Variants in FGF14 observed in about 807,000 individuals in gnomAD.
The protein encoded by FGF14 is fibroblast growth factor homologous factor 4.
Under a neutral mutation model 25.5 loss-of-function variants are expected in FGF14, and 5 were observed. The ratio of observed to expected loss-of-function variants is 0.20; its 90% CI spans 0.10 to 0.41. The LOEUF (loss-of-function observed/expected upper bound fraction) is 0.41, where lower values mean the gene tolerates loss of function less well. FGF14 is among the 10% of genes least tolerant of loss of function. The pLI, the probability that FGF14 is intolerant of heterozygous loss-of-function variation, is 1.00. For missense variants in FGF14, 222 were observed against 320.1 expected (o/e 0.69, Z 2.34); for synonymous variants, 138 against 118.3 (o/e 1.17, Z -1.08).
At chr13:102,282,768 A>T (rs1399328897) in intron 1 of FGF14, among the ~76,000 whole-genome samples, 1 of 151,644 alleles carries the variant, frequency 6.6e-6, no homozygotes, top group East Asian at 2.0e-4. Context: ...TCCAACCACT[A>T]TTAGGTCACA....
chr13:102,321,119 A>G (rs898140170), intron 1 of FGF14, among the ~76,000 whole-genome samples: 3 of 152,194 alleles, frequency 2.0e-5, no homozygotes, highest in Non-Finnish European at 4.4e-5. Context: ...AGGCCAGACC[A>G]CAGTGTCTCC....
At chr13:101,915,540 TGCAGAGACAG>T (rs1187588974) in intron 1 of FGF14, among the ~76,000 whole-genome samples, 3 of 152,138 alleles carry the variant, frequency 2.0e-5, no homozygotes, top group Admixed American at 2.0e-4. Flanking sequence ...AGCAACTGGA[TGCAGAGACAG>T]GCAGAGAGAG....
chr13:102,364,866 C>T (rs1004581516), intron 1 of FGF14, among the ~76,000 whole-genome samples: 3 of 152,134 alleles, frequency 2.0e-5, no homozygotes, highest in Admixed American at 6.5e-5. Context: ...AACTGGAAAC[C>T]GCACACATAT....
chr13:102,003,769 G>A (rs2039635516), intron 1 of FGF14, among the ~76,000 whole-genome samples: 1 of 151,520 alleles, frequency 6.6e-6, no homozygotes, highest in Non-Finnish European at 1.5e-5. Flanking sequence ...TCCTTTGACA[G>A]CTTTCTTCTG....
chr13:101,762,658 C>A (rs2038103686), intron 3 of FGF14, among the ~76,000 whole-genome samples: 1 of 152,210 alleles, frequency 6.6e-6, no homozygotes, highest in African/African-American at 2.4e-5. Flanking sequence ...GCTGCAAATG[C>A]TCCCTTAGTT....
At chr13:102,271,605 A>T (rs1403194374) in intron 1 of FGF14, among the ~76,000 whole-genome samples, 1 of 152,216 alleles carries the variant, frequency 6.6e-6, no homozygotes, top group Non-Finnish European at 1.5e-5. Context: ...ACTGGAGTTA[A>T]TATCACGTTG....
chr13:101,966,992 A>C (rs2037249837), intron 1 of FGF14, among the ~76,000 whole-genome samples: 1 of 151,790 alleles, frequency 6.6e-6, no homozygotes, highest in African/African-American at 2.4e-5. Context: ...TGATATCAGC[A>C]GTTACCTAAA....
Position 101,916,526 on chromosome 13 carries a change from G to A in FGF14, c.120C>T (p.Cys40=), listed in dbSNP as rs776900888. The change falls in exon 1 of 5, where the codon TGC becomes TGT. Residue 40 remains cysteine, a synonymous_variant. Coordinates refer to ENST00000376143, the MANE Select transcript of FGF14 (RefSeq NM_004115.4). The part of the protein sequence containing the change: ...RSSPSKNRGL[C]NGNLVDIFSK... ...AGAAGATATCCACCAGGTTGCCGTTGCAGAGCCCGCGGTTCTTGCTGGGGC... is the reference window on the plus strand; with the variant it reads ...AGAAGATATCCACCAGGTTGCCGTTACAGAGCCCGCGGTTCTTGCTGGGGC... The A allele has an allele frequency of 4.3e-6, 7 of 1,613,802 alleles. No homozygotes were observed. The highest frequency in any genetic ancestry group is 1.7e-5 in the Admixed American group (1 of 60,038).
chr13:102,105,387 CAATT>C (rs1314776019), intron 1 of FGF14, among the ~76,000 whole-genome samples: 2 of 152,036 alleles, frequency 1.3e-5, no homozygotes, highest in African/African-American at 4.8e-5. Context: ...CTATCGGTGA[CAATT>C]ATATTTTTTT....
At chr13:102,382,205 G>A (rs1188820201) in intron 1 of FGF14, among the ~76,000 whole-genome samples, 1 of 152,042 alleles carries the variant, frequency 6.6e-6, no homozygotes, top group Non-Finnish European at 1.5e-5. Context: ...AAAATCCACA[G>A]AATGGGATAA....
rs147936895 is a variant in FGF14 at position 102,172,225 on chromosome 13, A to T, written c.208+229246T>A. On this transcript the variant is annotated intron_variant, in intron 1 of 4. Coordinates refer to the FGF14 transcript ENST00000376131. ...GGAGAAGAAAGTAAACATTAAATCAATTCTTACCAGTGATTTAAAACAACT... is the reference window on the plus strand; with the variant it reads ...GGAGAAGAAAGTAAACATTAAATCATTTCTTACCAGTGATTTAAAACAACT... Among the ~76,000 whole-genome samples the T allele has an allele frequency of 9.4e-3, 1,430 of 152,178 alleles. 23 individuals are homozygous for T. The highest frequency in any genetic ancestry group is 0.031 in the African/African-American group (1,306 of 41,518).
chr13:101,874,212 T>C (rs1049067936), intron 2 of FGF14, among the ~76,000 whole-genome samples: 1 of 151,966 alleles, frequency 6.6e-6, no homozygotes, highest in Non-Finnish European at 1.5e-5. Context: ...CTGATAAAAA[T>C]AAATAAAATA....
intron 1 of FGF14, among the ~76,000 whole-genome samples, chr13:102,125,264 G>A (rs1290936855): frequency 3.3e-5 from 5 of 152,060 alleles, no homozygotes; most frequent in African/African-American, 1.2e-4. Flanking sequence ...GTTTTGACAA[G>A]TAAGAAAGCT....
intron 1 of FGF14, among the ~76,000 whole-genome samples, chr13:102,171,530 T>A (rs1407648682): frequency 6.6e-6 from 1 of 152,164 alleles, no homozygotes; most frequent in Non-Finnish European, 1.5e-5. Flanking sequence ...CTATCTTTCT[T>A]TTTTAGCAAA....
chr13:102,143,294 A>AAACTG (rs1359773691), intron 1 of FGF14, among the ~76,000 whole-genome samples: 1 of 152,182 alleles, frequency 6.6e-6, no homozygotes, highest in Non-Finnish European at 1.5e-5. Flanking sequence ...GGTGGGCCAC[A>AAACTG]AACTGCTTCC....
chr13:101,821,505 A>G (rs932952615), intron 3 of FGF14, among the ~76,000 whole-genome samples: 1 of 152,186 alleles, frequency 6.6e-6, no homozygotes, highest in African/African-American at 2.4e-5. Flanking sequence ...TATTAAGATT[A>G]TTTGTACATG....
chr13:101,957,133 AAC>A (rs1355855750), intron 1 of FGF14, among the ~76,000 whole-genome samples: 1 of 152,204 alleles, frequency 6.6e-6, no homozygotes, highest in African/African-American at 2.4e-5. Context: ...TCACTCCAGC[AAC>A]TCAAATTTGC....
chr13:102,087,505 T>C (rs1253741986), intron 1 of FGF14, among the ~76,000 whole-genome samples: 1 of 142,804 alleles, frequency 7.0e-6, no homozygotes, highest in Non-Finnish European at 1.5e-5. Context: ...TCTGCCTCTC[T>C]GGTTCCCGTC....
At chr13:101,892,742 C>A (rs1269195601) in intron 1 of FGF14, among the ~76,000 whole-genome samples, 1 of 152,142 alleles carries the variant, frequency 6.6e-6, no homozygotes, top group Non-Finnish European at 1.5e-5. Context: ...TAATGTAAGT[C>A]ATAGCCTCTT....
Sources: gnomAD v4.1 joint callset for allele counts (sites outside exome capture counted in the v4.1 genomes callset) on GRCh38, gnomAD v4.1.1 for gene constraint, MANE v1.5 for transcripts, NCBI Gene and HGNC (gene_info 2026-07-23, HGNC 2026-07-21) for gene names.